The following ANKRD10 variants were observed in gnomAD, a reference collection of about 807,000 sequenced individuals.
ANKRD10 encodes ankyrin repeat domain-containing protein 10.
ANKRD10 carries 14 observed loss-of-function variants against 27.0 expected under a neutral mutation model. That is an observed-to-expected ratio of 0.52 (90% CI 0.34 to 0.81). ANKRD10 has a LOEUF of 0.81. Ranked by LOEUF, ANKRD10 falls within the 40% of genes least tolerant of loss-of-function variation. The pLI is 0.01. For missense variants in ANKRD10, 493 were observed against 544.0 expected (o/e 0.91, Z 0.93); for synonymous variants, 250 against 224.5 (o/e 1.11, Z -1.01).
chr13:110,897,327 T>C (rs2065254777), intron 3 of ANKRD10, among the ~76,000 whole-genome samples: 1 of 148,926 alleles, frequency 6.7e-6, no homozygotes, highest in African/African-American at 2.5e-5. Context: ...TTGAGAGATG[T>C]TGCTCAGGCT....
rs1459533444 is a variant in ANKRD10 at position 110,879,605 on chromosome 13, C to T, written c.*32G>A. On this transcript the variant is annotated 3_prime_UTR_variant, in exon 6 of 6. Coordinates refer to ENST00000267339, the MANE Select transcript of ANKRD10 (RefSeq NM_017664.4). ...ATTCTGAGCTGGCTACCAGGAAGGA[C>T]TCCTGCGTTTCCGAGAGCCAGGTCA... 2 of 1,553,750 alleles carry T rather than the reference C, an allele frequency of 1.3e-6. No homozygotes were observed. Among genetic ancestry groups the T allele is most frequent in the South Asian group, 2.3e-5 (2 of 88,170 alleles).
chr13:110,893,302 G>A (rs761623793), intron 3 of ANKRD10, 39 bp from the exon 4 acceptor site: 15 of 1,592,710 alleles, frequency 9.4e-6, no homozygotes, highest in South Asian at 4.5e-5. Flanking sequence ...CCCCATCCGC[G>A]TGCTAACCTG....
intron 3 of ANKRD10, among the ~76,000 whole-genome samples, chr13:110,898,433 G>T (rs1162716118): frequency 3.9e-5 from 6 of 152,204 alleles, no homozygotes; most frequent in Admixed American, 3.9e-4. Context: ...AAATTCAGTA[G>T]GAGTTGAGCA....
At chr13:110,885,687 C>T (rs1200165508) in intron 4 of ANKRD10, among the ~76,000 whole-genome samples, 1 of 152,164 alleles carries the variant, frequency 6.6e-6, no homozygotes, top group Admixed American at 6.5e-5. Flanking sequence ...AACCTGCAGC[C>T]AAGAGCGGGT....
intron 3 of ANKRD10, chr13:110,900,749 T>A: frequency 8.3e-7 from 1 of 1,210,048 alleles, no homozygotes; most frequent in Non-Finnish European, 1.1e-6. Context: ...CTGTGTGATT[T>A]AAAACGGGCA....
At chr13:110,901,718 C>A (rs1418833510) in intron 3 of ANKRD10, among the ~76,000 whole-genome samples, 1 of 152,068 alleles carries the variant, frequency 6.6e-6, no homozygotes, top group Non-Finnish European at 1.5e-5. Context: ...GGAAAATAGC[C>A]AAGACCAGAC....
At chr13:110,886,151 T>A (rs965247580) in intron 4 of ANKRD10, among the ~76,000 whole-genome samples, 2 of 152,112 alleles carry the variant, frequency 1.3e-5, no homozygotes, top group Non-Finnish European at 2.9e-5. Flanking sequence ...AAGGCAGAGG[T>A]GCCACTAGGG....
At chr13:110,886,633 A>G (rs369041544) in intron 4 of ANKRD10, among the ~76,000 whole-genome samples, 96 of 152,246 alleles carry the variant, frequency 6.3e-4, no homozygotes, top group African/African-American at 2.2e-3. Context: ...TTTTAAGAAC[A>G]TTGGATTTGG....
intron 4 of ANKRD10, among the ~76,000 whole-genome samples, chr13:110,892,436 A>AAAAAAAAAAAAAAAAAAAAAAAAAAT (rs1555321016): frequency 1.4e-5 from 2 of 144,466 alleles, no homozygotes; most frequent in Non-Finnish European, 3.1e-5. Context: ...AAAAAAAAAA[A>AAAAAAAAAAAAAAAAAAAAAAAAAAT]TGGTGGGAGA....
intron 3 of ANKRD10, 138 bp downstream of exon 3, chr13:110,905,895 C>T (rs1192501081): frequency 2.8e-6 from 2 of 723,068 alleles, no homozygotes; most frequent in African/African-American, 3.6e-5. Flanking sequence ...TCACTAACAC[C>T]AACTGTTCTA....
At chr13:110,910,213 T>C (rs1302921401) in intron 2 of ANKRD10, among the ~76,000 whole-genome samples, 2 of 152,228 alleles carry the variant, frequency 1.3e-5, no homozygotes, top group Non-Finnish European at 2.9e-5. Context: ...AGGCATCAAC[T>C]TGTATCTGAA....
At chr13:110,881,428 T>G (rs562592733) in intron 5 of ANKRD10, among the ~76,000 whole-genome samples, 2 of 151,720 alleles carry the variant, frequency 1.3e-5, no homozygotes, top group South Asian at 4.2e-4. Context: ...GCTTCTTCAG[T>G]GAATGGAAAC....
chr13:110,909,786 T>C (rs2065642453), intron 2 of ANKRD10, among the ~76,000 whole-genome samples: 1 of 152,166 alleles, frequency 6.6e-6, no homozygotes, highest in Non-Finnish European at 1.5e-5. Context: ...AAGGACTGAA[T>C]CTTGGGAAAG....
intron 3 of ANKRD10, chr13:110,894,731 A>G (rs549862216): frequency 2.1e-5 from 3 of 142,842 alleles, no homozygotes; most frequent in Admixed American, 7.1e-5. Flanking sequence ...ATTACAGACT[A>G]AAGTCACTAT....
Position 110,910,732 on chromosome 13 carries a change from T to G in ANKRD10, c.249A>C (p.Thr83=), listed in dbSNP as rs1226709017. The change falls in exon 2 of 6, where the codon ACA becomes ACC. Residue 83 remains threonine, a synonymous_variant. Coordinates refer to ENST00000267339, the MANE Select transcript of ANKRD10 (RefSeq NM_017664.4). The part of the protein sequence containing the change: ...CLVQLVRAGA[T]LNVSTTRYAQ... Reference sequence around the variant, plus strand: ...CGTACCGTGTGGTGGAGACGTTGAGTGTGGCTCCCGCTCTCACCAACTGCA... The same window carrying G: ...CGTACCGTGTGGTGGAGACGTTGAGGGTGGCTCCCGCTCTCACCAACTGCA... 7 of 1,614,000 alleles carry G rather than the reference T, an allele frequency of 4.3e-6. No individual in the cohort carries two copies. The highest frequency in any genetic ancestry group is 5.1e-6 in the Non-Finnish European group (6 of 1,180,010).
At position 110,891,316 on chromosome 13, in the gene ANKRD10, G is replaced by GA. The variant is rs1181159037; in HGVS notation, c.691+1711dup. Among the ~76,000 whole-genome samples, 4 of 152,036 alleles carry GA rather than the reference G, an allele frequency of 2.6e-5. No individual in the cohort carries two copies. The East Asian group carries it at 7.7e-4, about 29-fold the overall frequency. On this transcript the variant is annotated intron_variant, in intron 4 of 5. Transcript: ENST00000267339. ...TTAAAAAGGCGTTGAAACTACATTA[G>GA]AAAAAATATATTAAAACATGGTACA...
chr13:110,914,191 C>CA (rs770577544), intron 1 of ANKRD10, among the ~76,000 whole-genome samples: 14 of 152,152 alleles, frequency 9.2e-5, no homozygotes, highest in Non-Finnish European at 2.1e-4. Context: ...AGCTCGTCCG[C>CA]AGCGCGGCCC....
At chr13:110,905,729 T>C (rs1198847522) in intron 3 of ANKRD10, among the ~76,000 whole-genome samples, 1 of 152,104 alleles carries the variant, frequency 6.6e-6, no homozygotes, top group African/African-American at 2.4e-5. Flanking sequence ...AACTAGTTAG[T>C]GGCAAAGTAA....
At chr13:110,912,070 G>A (rs1216124434) in intron 1 of ANKRD10, among the ~76,000 whole-genome samples, 2 of 152,144 alleles carry the variant, frequency 1.3e-5, no homozygotes, top group Non-Finnish European at 2.9e-5. Flanking sequence ...GATAGCCTCT[G>A]GCTAAAATAA....
Sources: gnomAD v4.1 joint callset for allele counts (sites outside exome capture counted in the v4.1 genomes callset) on GRCh38, gnomAD v4.1.1 for gene constraint, MANE v1.5 for transcripts, NCBI Gene and HGNC (gene_info 2026-07-23, HGNC 2026-07-21) for gene names.